MEIOB: variants seen among roughly 807,000 people sequenced by gnomAD.
The protein encoded by MEIOB is meiosis specific with OB-fold, also known as meiosis-specific with OB domain-containing protein.
A neutral mutation model predicts 53.1 loss-of-function variants in MEIOB; 50 were observed. The ratio of observed to expected loss-of-function variants is 0.94; its 90% confidence interval spans 0.75 to 1.19. MEIOB has a LOEUF of 1.19. Among genes scored for constraint, MEIOB ranks in the 50% most tolerant of loss-of-function variants. The probability of loss-of-function intolerance (pLI) is 0.00; values close to 1 mark genes in which losing one functional copy is unlikely to be tolerated. For synonymous variants in MEIOB, 192 were observed against 182.5 expected (o/e 1.05, Z -0.42); for missense variants, 551 against 550.8 (o/e 1.00, Z 0.00).
rs374374987 is a variant in MEIOB, at chr16:1,867,359, CAT to C, written c.69+746_69+747del. 2.8e-3 allele frequency among the ~76,000 whole-genome samples: 420 copies of C among 151,516 alleles called. 1 individual carries two copies. The highest frequency in any genetic ancestry group is 0.01 in the Middle Eastern group (3 of 294). On this transcript the variant is annotated intron_variant, in intron 2 of 13. Coordinates refer to ENST00000325962, the MANE Select transcript of MEIOB (RefSeq NM_001163560.3). ...TCACATCATCATTGTAGAAAACACA[CAT>C]GTTATAAACCTATATCATAAAAGCA...
chr16:1,853,160 AT>A, intron 8 of MEIOB, 26 bp from the exon 9 acceptor site: 1 of 1,586,886 alleles, frequency 6.3e-7, no homozygotes, highest in Non-Finnish European at 8.6e-7. Context: ...GCCATTTAAA[AT>A]TATTACATGG....
chr16:1,868,235 A>C (rs1899643913), intron 1 of MEIOB, 51 bp from the exon 2 acceptor site: 1 of 1,003,442 alleles, frequency 1.0e-6, no homozygotes, highest in Admixed American at 2.2e-5. Flanking sequence ...AAATGAAATA[A>C]ATCATTTAAA....
intron 7 of MEIOB, among the ~76,000 whole-genome samples, chr16:1,853,547 G>C (rs1456783366): frequency 6.6e-6 from 1 of 152,198 alleles, no homozygotes; most frequent in Admixed American, 6.5e-5. Context: ...CTCCAGGCTA[G>C]TTAGAACTAA....
Position 1,862,122 on chromosome 16 carries a change from G to T in MEIOB, c.128-6C>A, listed in dbSNP as rs1472263811. The T allele has an allele frequency of 6.5e-7, 1 of 1,547,574 alleles. No homozygotes were observed. The highest frequency in any genetic ancestry group is 2.4e-5 in the East Asian group (1 of 40,846). On this transcript the variant is annotated splice_region_variant and splice_polypyrimidine_tract_variant and intron_variant, in intron 3 of 13. Coordinates refer to ENST00000325962, the MANE Select transcript of MEIOB (RefSeq NM_001163560.3). ...GTACCTTTCTGATCCAATATCTAAG[G>T]GAAAACCAATGCTTTTATTTTTCAA...
Position 1,861,897 on chromosome 16 carries a change from C to T in MEIOB, c.259+88G>A, listed in dbSNP as rs531607144. 1.2e-5 allele frequency: 15 copies of T among 1,292,294 alleles called. No homozygotes were observed. The African/African-American group carries it at 1.9e-4, about 17-fold the overall frequency. 80.1% of individuals were successfully genotyped at this position (1,292,294 alleles called of 1,614,324 possible). A position where few individuals can be genotyped will look rare whatever the true frequency, so the allele number is the denominator to read the frequency against. On this transcript the variant is annotated intron_variant, in intron 4 of 13. Coordinates refer to ENST00000325962, the MANE Select transcript of MEIOB (RefSeq NM_001163560.3). ...TTCTTGAGAATTACGAACTGTGTCT[C>T]ATTTCAACTCCTTCAGTATAGTTAC...
At chr16:1,861,879 G>C in intron 4 of MEIOB, 106 bp downstream of exon 4, 1 of 1,177,262 alleles carries the variant, frequency 8.5e-7, no homozygotes, top group African/African-American at 1.5e-5. Context: ...AAGTTCTTGA[G>C]AATTACGAAC....
In MEIOB at chr16:1,837,847, T is replaced by G. The variant is rs1898790758; in HGVS notation, c.1242A>C (p.Thr414=). The stretch of plus-strand genomic sequence containing the variant: ...ACTTTAATGCTGTTTTCTGTTCATC[T>G]GTCATTGCAAGAAACTCATGTACCT... The part of the protein sequence containing the change: ...GCTVHEFLAM[T]DEQKTALKWQ... Residue 414 remains threonine, a synonymous_variant, in exon 13 of 14, where the codon ACA becomes ACC. Transcript: ENST00000325962. The G allele has an allele frequency of 6.5e-7, 1 of 1,535,166 alleles. No homozygotes were observed. Among genetic ancestry groups the G allele is most frequent in the Admixed American group, 2.1e-5 (1 of 47,516 alleles).
At chr16:1,848,091 G>T (rs2142084896) in intron 9 of MEIOB, among the ~76,000 whole-genome samples, 1 of 151,626 alleles carries the variant, frequency 6.6e-6, no homozygotes, top group East Asian at 1.9e-4. Flanking sequence ...GAGATCACAG[G>T]CACGCGCCAC....
intron 6 of MEIOB, among the ~76,000 whole-genome samples, chr16:1,855,740 T>A: frequency 6.6e-6 from 1 of 152,168 alleles, no homozygotes; most frequent in Non-Finnish European, 1.5e-5. Flanking sequence ...ACTTCTCCTG[T>A]TTTTCAAGAT....
chr16:1,835,975 T>G (rs1898735149), intron 13 of MEIOB, among the ~76,000 whole-genome samples: 2 of 151,738 alleles, frequency 1.3e-5, no homozygotes, highest in African/African-American at 4.8e-5. Flanking sequence ...TTCTACTGCC[T>G]CAGCCTCCTG....
At chr16:1,863,394 GTTTGTT>G (rs1470735731) in intron 3 of MEIOB, among the ~76,000 whole-genome samples, 1 of 142,104 alleles carries the variant, frequency 7.0e-6, no homozygotes, top group African/African-American at 2.6e-5. Context: ...TTTCGTTTTT[GTTTGTT>G]TTTGAGACGG....
chr16:1,845,387 G>C (rs1020916713), intron 9 of MEIOB, among the ~76,000 whole-genome samples: 7 of 152,120 alleles, frequency 4.6e-5, no homozygotes, highest in Non-Finnish European at 7.3e-5. Context: ...AGGCGTGGTG[G>C]TGGGCGCCTG....
intron 11 of MEIOB, among the ~76,000 whole-genome samples, chr16:1,841,336 C>A (rs62038426): frequency 1.3e-5 from 2 of 152,114 alleles, no homozygotes; most frequent in African/African-American, 4.8e-5. Flanking sequence ...ACTTTCTATG[C>A]AAGTAAATAC....
intron 3 of MEIOB, among the ~76,000 whole-genome samples, chr16:1,863,427 C>G (rs1899504443): frequency 6.6e-6 from 1 of 151,038 alleles, no homozygotes; most frequent in Non-Finnish European, 1.5e-5. Flanking sequence ...GCTCTTGTTA[C>G]CCAGGCTGGA....
chr16:1,838,156 C>G (rs1470432724), intron 12 of MEIOB: 4 of 515,174 alleles, frequency 7.8e-6, no homozygotes, highest in Non-Finnish European at 1.0e-5. Flanking sequence ...TCTTCTCTGG[C>G]TAATTGTTTT....
chr16:1,858,786 T>A (rs1469819560), intron 5 of MEIOB, among the ~76,000 whole-genome samples: 5 of 152,164 alleles, frequency 3.3e-5, no homozygotes, highest in Non-Finnish European at 5.9e-5. Context: ...TATTTCTAGA[T>A]GAAAAATAGT....
At chr16:1,836,496 A>ATGATAC (rs1567271378) in intron 13 of MEIOB, among the ~76,000 whole-genome samples, 1 of 147,584 alleles carries the variant, frequency 6.8e-6, no homozygotes, top group Non-Finnish European at 1.5e-5. Flanking sequence ...TTGCAAAGAG[A>ATGATAC]CAGTATTTAG....
chr16:1,860,721 C>G (rs1024929875), intron 4 of MEIOB, among the ~76,000 whole-genome samples: 5 of 152,140 alleles, frequency 3.3e-5, no homozygotes, highest in Non-Finnish European at 7.3e-5. Context: ...TATAGCTATA[C>G]TGGGCCCTAT....
intron 9 of MEIOB, among the ~76,000 whole-genome samples, chr16:1,851,487 T>G (rs1311791699): frequency 6.6e-6 from 1 of 152,120 alleles, no homozygotes; most frequent in Non-Finnish European, 1.5e-5. Flanking sequence ...GAGGGTAAAC[T>G]CCATGAGGGT....
Sources: gnomAD v4.1 joint callset for allele counts (sites outside exome capture counted in the v4.1 genomes callset) on GRCh38, gnomAD v4.1.1 for gene constraint, MANE v1.5 for transcripts, NCBI Gene and HGNC (gene_info 2026-07-23, HGNC 2026-07-21) for gene names.